Variants in RMDN3 observed in about 807,000 individuals in gnomAD.
RMDN3 encodes the protein regulator of microtubule dynamics 3.
RMDN3 carries 41 observed loss-of-function variants against 61.8 expected under a neutral mutation model. The ratio of observed to expected loss-of-function variants is 0.66; its 90% CI spans 0.52 to 0.86. The LOEUF (loss-of-function observed/expected upper bound fraction) is 0.86, where lower values mean the gene tolerates loss of function less well. Ranked by LOEUF, RMDN3 falls within the 40% of genes least tolerant of loss-of-function variation. The pLI, the probability that RMDN3 is intolerant of heterozygous loss-of-function variation, is 0.00. For synonymous variants in RMDN3, 247 were observed against 232.0 expected (o/e 1.06, Z -0.59); for missense variants, 557 against 585.3 (o/e 0.95, Z 0.50).
intron 10 of RMDN3, 23 bp downstream of exon 10, chr15:40,737,605 C>T: frequency 6.3e-7 from 1 of 1,594,732 alleles, no homozygotes; most frequent in Non-Finnish European, 8.6e-7. Flanking sequence ...GGTGTTTTTG[C>T]CTGCCACCTG....
chr15:40,740,141 A>G lies in RMDN3; in HGVS notation c.963T>C (p.Cys321=), dbSNP rs765191025. 8 of 1,608,530 alleles carry G rather than the reference A, an allele frequency of 5.0e-6. No individual in the cohort carries two copies. In the African/African-American group the frequency reaches 5.3e-5, roughly 11 times the overall value. Reference sequence around the variant, plus strand: ...CTGCAGGGTGTTATTACCACAGGTGACAGTCAGCACTCTCATCCCCCTTCT... The same window carrying G: ...CTGCAGGGTGTTATTACCACAGGTGGCAGTCAGCACTCTCATCCCCCTTCT... ...ALEKGDESAD[C]HLWYAVLCGQ... The change falls in exon 7 of 13, where the codon TGT becomes TGC. Residue 321 remains cysteine (C), a synonymous_variant. Coordinates refer to ENST00000338376, the MANE Select transcript of RMDN3 (RefSeq NM_018145.3).
Position 40,743,434 on chromosome 15 carries a change from T to C in RMDN3, c.910+613A>G, listed in dbSNP as rs1424193422. Among the ~76,000 whole-genome samples the C allele has an allele frequency of 2.9e-5, 4 of 138,714 alleles. No individual in the cohort carries two copies. In the Admixed American group the frequency reaches 2.9e-4, roughly 10 times the overall value. The allele number at this position is 138,714 out of a possible 152,430, so 91.0% of individuals were successfully genotyped here. On this transcript the variant is annotated intron_variant, in intron 6 of 12. Transcript: ENST00000338376. ...AGACTGTTTAAAAAAAAAAAAAAAA[T>C]AGATATTAACTGAACCACAGACCTA...
Position 40,736,302 on chromosome 15 carries a change from T to C in RMDN3, c.*239A>G. ...CTGGGGCAGGTGTGAATCTTGATTTTTTTAAGAGATTACTCAAGGGAGAGA... is the reference window on the plus strand; with the variant it reads ...CTGGGGCAGGTGTGAATCTTGATTTCTTTAAGAGATTACTCAAGGGAGAGA... On this transcript the variant is annotated 3_prime_UTR_variant, in exon 13 of 13. Coordinates refer to ENST00000338376, the MANE Select transcript of RMDN3 (RefSeq NM_018145.3). 1 of 463,668 alleles carries C rather than the reference T, an allele frequency of 2.2e-6. No homozygotes were observed. The highest frequency in any genetic ancestry group is 3.4e-5 in the East Asian group (1 of 29,056). The allele number at this position is 463,668 out of a possible 1,614,324, so 28.7% of individuals were successfully genotyped here.
At chr15:40,744,264 T>G in intron 5 of RMDN3, 115 bp from the exon 6 acceptor site, 1 of 885,104 alleles carries the variant, frequency 1.1e-6, no homozygotes, top group South Asian at 1.4e-5. Flanking sequence ...GTTACAGTCA[T>G]CAATATCAGG....
At chr15:40,737,437 C>A (rs1897099779) in intron 10 of RMDN3, 96 bp from the exon 11 acceptor site, 1 of 1,271,818 alleles carries the variant, frequency 7.9e-7, no homozygotes, top group Non-Finnish European at 1.1e-6. Context: ...AACCATGTGG[C>A]TGATTCAGTG....
intron 4 of RMDN3, among the ~76,000 whole-genome samples, chr15:40,746,413 G>A (rs1357994425): frequency 6.6e-6 from 1 of 151,956 alleles, no homozygotes; most frequent in Non-Finnish European, 1.5e-5. Flanking sequence ...CTACTCGGGA[G>A]GCTGAGGCAG....
Position 40,744,981 on chromosome 15 carries a change from A to G in RMDN3, c.803T>C (p.Leu268Pro). 6.3e-7 allele frequency: 1 copy of G among 1,598,502 alleles called. No homozygotes were observed. The highest frequency in any genetic ancestry group is 1.1e-5 in the South Asian group (1 of 90,116). The stretch of plus-strand genomic sequence containing the variant: ...GACAGGCAGCTGGAGCCTCACCACC[A>G]GCTTGTTGTTGAGCAGCAGCTGGAA... The part of the protein sequence containing the change: ...EGFQLLLNNK[L>P]VYGSRQDFLW... The change falls in exon 5 of 13, where the codon CTG (leucine) becomes CCG (proline). Residue 268 changes from leucine (L) to proline (P), a missense_variant. Coordinates refer to ENST00000338376, the MANE Select transcript of RMDN3 (RefSeq NM_018145.3).
rs1897684506 is a variant in RMDN3, at chr15:40,748,736, A to T, written c.524+2690T>A. On this transcript the variant is annotated intron_variant, in intron 4 of 12. Transcript: ENST00000338376. ...TGCCTCAGCCTCCGGAATAGCTGGG[A>T]TTACAGGCATGCACCACCACGCCCA... Among the ~76,000 whole-genome samples the T allele has an allele frequency of 2.0e-5, 3 of 151,910 alleles. No individual in the cohort carries two copies. The East Asian group carries it at 5.8e-4, about 29-fold the overall frequency.
chr15:40,745,648 G>A (rs945425499), intron 4 of RMDN3, among the ~76,000 whole-genome samples: 26 of 152,212 alleles, frequency 1.7e-4, no homozygotes, highest in African/African-American at 6.3e-4. Context: ...TTACAGGCAT[G>A]AGCCACCATG....
chr15:40,744,063 C>G lies in RMDN3; in HGVS notation c.894G>C (p.Lys298Asn), dbSNP rs1208657420. 6.2e-7 allele frequency: 1 copy of G among 1,612,882 alleles called. No individual in the cohort carries two copies. The highest frequency in any genetic ancestry group is 8.5e-7 in the Non-Finnish European group (1 of 1,179,758). The change falls in exon 6 of 13, where the codon AAG becomes AAC. Residue 298 changes from lysine to asparagine, a missense_variant. By Grantham distance (94) the Lys-to-Asn change is moderately conservative. Transcript: ENST00000338376. ...CELTEEVSEK[K>N]SYALDGKEEA... The stretch of plus-strand genomic sequence containing the variant: ...AGCACTTACCATCTAGGGCATATGA[C>G]TTCTTCTCGCTCACCTCCTCAGTGA...
chr15:40,748,628 CTT>C (rs1157049700), intron 4 of RMDN3, among the ~76,000 whole-genome samples: 1 of 152,194 alleles, frequency 6.6e-6, no homozygotes, highest in Non-Finnish European at 1.5e-5. Flanking sequence ...GGGATGGAGT[CTT>C]TCTCTGTCAC....
At chr15:40,748,649 G>C (rs1312324316) in intron 4 of RMDN3, among the ~76,000 whole-genome samples, 1 of 152,172 alleles carries the variant, frequency 6.6e-6, no homozygotes, top group Non-Finnish European at 1.5e-5. Flanking sequence ...ACCCAGGCTG[G>C]AGTGCAGTGG....
In RMDN3 at chr15:40,736,669, AGGGGCCCTT is replaced by A. The variant is rs926019306; in HGVS notation, c.1360-84_1360-76del. On this transcript the variant is annotated intron_variant, in intron 12 of 12. Transcript: ENST00000338376. ...TCCCAAACCAGTGGAACCTAAGAAG[AGGGGCCCTT>A]TGCTTCCTTCCTGAGCTCTGCTACA... 13 of 1,323,610 alleles carry A rather than the reference AGGGGCCCTT, an allele frequency of 9.8e-6. No individual in the cohort carries two copies. In the African/African-American group the frequency reaches 1.3e-4, roughly 13 times the overall value. 82.0% of individuals were successfully genotyped at this position (1,323,610 alleles called of 1,614,324 possible). A position where few individuals can be genotyped will look rare whatever the true frequency, so the allele number is the denominator to read the frequency against.
At position 40,754,639 on chromosome 15, in the gene RMDN3, T is replaced by C. The variant is rs904561403; in HGVS notation, c.145A>G (p.Asn49Asp). 18 of 1,614,086 alleles carry C rather than the reference T, an allele frequency of 1.1e-5. No homozygotes were observed. The highest frequency in any genetic ancestry group is 1.4e-5 in the Non-Finnish European group (17 of 1,179,982). The change falls in exon 2 of 13, where the codon AAC (asparagine) becomes GAC (aspartate). Residue 49 changes from asparagine (N) to aspartate (D), a missense_variant. Transcript: ENST00000338376. Reference protein sequence around the residue: ...QRHGRSQSLPNSLDYTQTSDP... With the variant: ...QRHGRSQSLPDSLDYTQTSDP... ...GAAGTCTGCGTATAGTCCAGGGAGT[T>C]GGGCAGGCTCTGGCTGCGGCCATGA...
rs1325280116 is a variant in RMDN3, at chr15:40,735,928, A to AT, written c.*612dup. The AT allele has an allele frequency of 2.6e-5, 4 of 152,196 alleles. No homozygotes were observed. Among genetic ancestry groups the AT allele is most frequent in the African/African-American group, 9.7e-5 (4 of 41,438 alleles). The allele number at this position is 152,196 out of a possible 1,614,324, so 9.4% of individuals were successfully genotyped here. A position where few individuals can be genotyped will look rare whatever the true frequency, so the allele number is the denominator to read the frequency against. On this transcript the variant is annotated 3_prime_UTR_variant, in exon 13 of 13. Coordinates refer to ENST00000338376, the MANE Select transcript of RMDN3 (RefSeq NM_018145.3). ...TTATTTCAAGTTTGTAACAAAATAT[A>AT]TTCTAGGCAACTTTTCAGACATTGT... is the stretch of plus-strand genomic sequence containing the variant.
intron 1 of RMDN3, 34 bp downstream of exon 1, chr15:40,755,049 C>T: frequency 2.4e-6 from 1 of 424,970 alleles, no homozygotes; most frequent in Non-Finnish European, 4.3e-6. Context: ...CGACCCGGGT[C>T]ACAGAGTCCG....
chr15:40,740,177 C>T lies in RMDN3; in HGVS notation c.927G>A (p.Glu309=), dbSNP rs1044028942. The T allele has an allele frequency of 3.7e-6, 6 of 1,611,758 alleles. No individual in the cohort carries two copies. The highest frequency in any genetic ancestry group is 5.1e-6 in the Non-Finnish European group (6 of 1,178,260). The change falls in exon 7 of 13, where the codon GAG becomes GAA. Residue 309 remains glutamate, a synonymous_variant. Transcript: ENST00000338376. The part of the protein sequence containing the change: ...SYALDGKEEA[E]AALEKGDESA... The stretch of plus-strand genomic sequence containing the variant: ...TCTCATCCCCCTTCTCCAGAGCAGC[C>T]TCTGCTTCTTCTTTTCCTGTAGGAC...
chr15:40,751,853 G>C (rs1288053995), intron 3 of RMDN3, 133 bp downstream of exon 3: 5 of 1,028,862 alleles, frequency 4.9e-6, no homozygotes, highest in Non-Finnish European at 1.4e-6. Flanking sequence ...CAAATGTACA[G>C]CTTCAACCCA....
intron 5 of RMDN3, 45 bp downstream of exon 5, chr15:40,744,932 G>A (rs1376248711): frequency 6.5e-7 from 1 of 1,528,586 alleles, no homozygotes; most frequent in East Asian, 2.3e-5. Flanking sequence ...CAGAGAGATG[G>A]AGGGAGGGAG....
Sources: gnomAD v4.1 joint callset for allele counts (sites outside exome capture counted in the v4.1 genomes callset) on GRCh38, gnomAD v4.1.1 for gene constraint, MANE v1.5 for transcripts, NCBI Gene and HGNC (gene_info 2026-07-23, HGNC 2026-07-21) for gene names.